Variants in PCDHA3 observed in about 807,000 individuals in gnomAD.
The protein encoded by PCDHA3 is protocadherin alpha 3.
Under a neutral mutation model 62.2 loss-of-function variants are expected in PCDHA3, and 41 were observed. The ratio of observed to expected loss-of-function variants is 0.66; its 90% CI spans 0.51 to 0.86. The LOEUF is 0.86. Ranked by LOEUF, PCDHA3 falls within the 40% of genes least tolerant of loss-of-function variation. The probability of loss-of-function intolerance (pLI) is 0.00; values close to 1 mark genes in which losing one functional copy is unlikely to be tolerated. For missense variants in PCDHA3, 1,304 were observed against 1,241.2 expected, an observed-to-expected ratio of 1.05 and a Z score of -0.76; for synonymous variants, 640 against 555.4, an observed-to-expected ratio of 1.15 and a Z score of -2.14.
chr5:140,835,503 G>A, intron 1 of PCDHA3: 2 of 1,613,910 alleles, frequency 1.2e-6, no homozygotes, highest in Non-Finnish European at 1.7e-6. Flanking sequence ...ATTGATTAGC[G>A]TGTTTGACCG....
At chr5:140,871,451 A>T in intron 1 of PCDHA3, 1 of 1,608,630 alleles carries the variant, frequency 6.2e-7, no homozygotes, top group Non-Finnish European at 8.5e-7. Context: ...AATAAAGAGG[A>T]GGAAGGGGAA....
chr5:140,927,450 G>A (rs782619485), intron 1 of PCDHA3: 3 of 1,614,188 alleles, frequency 1.9e-6, no homozygotes, highest in South Asian at 1.1e-5. Context: ...CGGAGTTGGT[G>A]TTGGAGAAAG....
intron 1 of PCDHA3, chr5:140,855,866 C>T: frequency 2.5e-6 from 2 of 802,280 alleles, no homozygotes; most frequent in Middle Eastern, 2.5e-4. Flanking sequence ...TCGCTGTCGT[C>T]CACAAAATAG....
At chr5:140,943,063 C>T (rs1461337774) in intron 1 of PCDHA3, among the ~76,000 whole-genome samples, 1 of 151,748 alleles carries the variant, frequency 6.6e-6, no homozygotes, top group Admixed American at 6.6e-5. Context: ...TCAAGAACAG[C>T]CTGACCAACA....
At chr5:140,882,987 CG>C in intron 1 of PCDHA3, 1 of 1,614,110 alleles carries the variant, frequency 6.2e-7, no homozygotes, top group South Asian at 1.1e-5. Flanking sequence ...GACAACGCCC[CG>C]GAATTTTACC....
At chr5:140,856,781 G>C in intron 1 of PCDHA3, 1 of 1,596,356 alleles carries the variant, frequency 6.3e-7, no homozygotes, top group South Asian at 1.1e-5. Context: ...TGACAGACCG[G>C]TTTATGAAGT....
intron 1 of PCDHA3, chr5:140,851,191 T>C: frequency 8.2e-7 from 1 of 1,215,936 alleles, no homozygotes; most frequent in South Asian, 3.0e-5. Context: ...ACCAATTTAG[T>C]TGTTAGTCAT....
intron 1 of PCDHA3, chr5:140,884,070 C>T: frequency 1.2e-6 from 2 of 1,613,516 alleles, no homozygotes; most frequent in Non-Finnish European, 1.7e-6. Context: ...GACGCCGATT[C>T]GGGCTACAAT....
At chr5:140,977,815 G>C (rs2096776039) in intron 1 of PCDHA3, among the ~76,000 whole-genome samples, 1 of 152,208 alleles carries the variant, frequency 6.6e-6, no homozygotes, top group Non-Finnish European at 1.5e-5. Context: ...ATTATTGACA[G>C]TTTTGAATGG....
intron 1 of PCDHA3, chr5:140,849,900 C>T: frequency 6.3e-7 from 1 of 1,598,532 alleles, no homozygotes; most frequent in East Asian, 2.2e-5. Flanking sequence ...GGAGAACAAC[C>T]CGCCGGGCTG....
At chr5:140,998,977 ATAG>A (rs2097842205) in intron 3 of PCDHA3, among the ~76,000 whole-genome samples, 1 of 152,242 alleles carries the variant, frequency 6.6e-6, no homozygotes, top group African/African-American at 2.4e-5. Flanking sequence ...ATCCTAGAAA[ATAG>A]TAGAAAGCAG....
intron 3 of PCDHA3, among the ~76,000 whole-genome samples, chr5:141,004,496 C>T (rs1179748811): frequency 6.6e-6 from 1 of 152,152 alleles, no homozygotes; most frequent in Non-Finnish European, 1.5e-5. Context: ...CTTGGCAGTC[C>T]TGCTGTGAGG....
chr5:140,801,480 C>T lies in PCDHA3; in HGVS notation c.283C>T (p.Leu95=), dbSNP rs1175554033. ...GAATTCTCGGATAGACCGCGAGGAA[C>T]TGTGCGGGCGGAGCGCGGAGTGCAG... The part of the protein sequence containing the change: ...FVNSRIDREE[L]CGRSAECSIH... Residue 95 remains leucine (L), a synonymous_variant, in exon 1 of 4, where the codon CTG becomes TTG. Coordinates refer to ENST00000522353, the MANE Select transcript of PCDHA3 (RefSeq NM_018906.3). 4.3e-6 allele frequency: 7 copies of T among 1,613,984 alleles called. No homozygotes were observed. The African/African-American group carries it at 6.7e-5, about 15-fold the overall frequency.
intron 1 of PCDHA3, chr5:140,816,555 C>T (rs1554127095): frequency 6.6e-6 from 1 of 151,082 alleles, no homozygotes; most frequent in Non-Finnish European, 1.5e-5. Flanking sequence ...TTTGATTGGG[C>T]CATGTTTCCT....
chr5:140,857,654 G>C, intron 1 of PCDHA3: 1 of 1,596,766 alleles, frequency 6.3e-7, no homozygotes, highest in South Asian at 1.1e-5. Flanking sequence ...CCAGGTGAGC[G>C]CGCGCGATGG....
intron 3 of PCDHA3, among the ~76,000 whole-genome samples, chr5:140,993,190 CTCACTAAAGCTAATTTTTT>C (rs2097544277): frequency 6.6e-6 from 1 of 152,022 alleles, no homozygotes; most frequent in Non-Finnish European, 1.5e-5. Flanking sequence ...TAGAGGGAAA[CTCACTAAAGCTAATTTTTT>C]TAGCTTTTTG....
intron 1 of PCDHA3, chr5:140,870,165 G>T (rs1223679164): frequency 1.2e-6 from 2 of 1,614,138 alleles, no homozygotes; most frequent in Non-Finnish European, 1.7e-6. Context: ...TGACTTCCTT[G>T]TCCCTCCCAG....
chr5:140,819,370 A>T (rs2150104034), intron 1 of PCDHA3, among the ~76,000 whole-genome samples: 1 of 152,290 alleles, frequency 6.6e-6, no homozygotes, highest in East Asian at 1.9e-4. Context: ...TTCTTGTGTT[A>T]GTATATTTCT....
In PCDHA3 at chr5:140,801,685, G is replaced by T. The variant is rs111499856; in HGVS notation, c.488G>T (p.Gly163Val). The T allele has an allele frequency of 1.9e-6, 3 of 1,614,084 alleles. No individual in the cohort carries two copies. The highest frequency in any genetic ancestry group is 2.5e-6 in the Non-Finnish European group (3 of 1,180,048). ...SLEGASDADI[G>V]TNSLLTYSLD... is the part of the protein sequence containing the mutation. Reference sequence around the variant, plus strand: ...GAGGGCGCATCAGATGCAGATATCGGAACAAATTCGTTGTTGACTTACAGT... The same window carrying T: ...GAGGGCGCATCAGATGCAGATATCGTAACAAATTCGTTGTTGACTTACAGT... The change falls in exon 1 of 4, where the codon GGA becomes GTA. Residue 163 changes from glycine (G) to valine (V), a missense_variant. Physicochemically the swap from Gly to Val is moderately radical, Grantham distance 109 (BLOSUM62 -3). Transcript: ENST00000522353.
Sources: gnomAD v4.1 joint callset for allele counts (sites outside exome capture counted in the v4.1 genomes callset) on GRCh38, gnomAD v4.1.1 for gene constraint, MANE v1.5 for transcripts, NCBI Gene and HGNC (gene_info 2026-07-23, HGNC 2026-07-21) for gene names.